Variants in GALNTL6 observed in about 807,000 individuals in gnomAD.
GALNTL6 encodes the protein polypeptide N-acetylgalactosaminyltransferase-like 6.
In GALNTL6, 46 loss-of-function variants were observed where a neutral mutation model predicts 73.7. That is an observed-to-expected ratio of 0.62 (90% CI 0.49 to 0.80). The LOEUF is 0.80. Among genes scored for constraint, GALNTL6 ranks in the 30% least tolerant of loss-of-function variants. The pLI, the probability that GALNTL6 is intolerant of heterozygous loss-of-function variation, is 0.00. For missense variants in GALNTL6, 604 were observed against 755.0 expected (o/e 0.80, Z 2.34); for synonymous variants, 259 against 263.7 (o/e 0.98, Z 0.17).
chr4:172,040,700 A>G (rs774349270), intron 2 of GALNTL6, among the ~76,000 whole-genome samples: 2 of 152,124 alleles, frequency 1.3e-5, no homozygotes, highest in African/African-American at 2.4e-5. Context: ...TAAAATTGAT[A>G]CTTAAAGAGG....
intron 5 of GALNTL6, among the ~76,000 whole-genome samples, chr4:172,455,957 G>A (rs1732384375): frequency 6.6e-6 from 1 of 152,128 alleles, no homozygotes; most frequent in South Asian, 2.1e-4. Context: ...AGCTCCAGCT[G>A]GCATCTGACG....
At chr4:171,932,371 T>C (rs1738211285) in intron 2 of GALNTL6, among the ~76,000 whole-genome samples, 1 of 152,210 alleles carries the variant, frequency 6.6e-6, no homozygotes, top group South Asian at 2.1e-4. Flanking sequence ...AAGTGAATTG[T>C]GCTTGGTGGA....
intron 5 of GALNTL6, among the ~76,000 whole-genome samples, chr4:172,725,982 T>G (rs1453372645): frequency 6.6e-6 from 1 of 152,212 alleles, no homozygotes; most frequent in African/African-American, 2.4e-5. Flanking sequence ...TGTAGAAGTT[T>G]CAATGATTAT....
chr4:172,393,178 T>A (rs1308687173), intron 5 of GALNTL6, among the ~76,000 whole-genome samples: 1 of 152,192 alleles, frequency 6.6e-6, no homozygotes, highest in Non-Finnish European at 1.5e-5. Context: ...AGGGAGCCGC[T>A]GCTATATATG....
chr4:172,422,616 C>A (rs1038657447), intron 5 of GALNTL6, among the ~76,000 whole-genome samples: 8 of 151,882 alleles, frequency 5.3e-5, no homozygotes, highest in African/African-American at 1.9e-4. Context: ...ATCTAGATGA[C>A]AGAGACTCCA....
At position 172,813,649 on chromosome 4, in the gene GALNTL6, C is replaced by T. The variant is rs766006692; in HGVS notation, c.849C>T (p.Phe283=). The stretch of plus-strand genomic sequence containing the variant: ...CTGGGGATGCCATGCGAGGAGCCTT[C>T]GACTGGGAAATGTACTACAAAAGAA... ...AQAGDAMRGA[F]DWEMYYKRIP... The change falls in exon 7 of 13, where the codon TTC becomes TTT. Residue 283 remains phenylalanine (F), a synonymous_variant. Coordinates refer to ENST00000506823, the MANE Select transcript of GALNTL6 (RefSeq NM_001034845.3). 15 of 1,613,272 alleles carry T rather than the reference C, an allele frequency of 9.3e-6. No homozygotes were observed. The highest frequency in any genetic ancestry group is 6.7e-5 in the East Asian group (3 of 44,882).
At chr4:172,482,195 C>G (rs1014330201) in intron 5 of GALNTL6, among the ~76,000 whole-genome samples, 1 of 152,230 alleles carries the variant, frequency 6.6e-6, no homozygotes, top group African/African-American at 2.4e-5. Context: ...CACACCCACC[C>G]GGAACTCGCG....
chr4:172,893,557 G>A (rs961033330), intron 8 of GALNTL6, among the ~76,000 whole-genome samples: 1 of 152,188 alleles, frequency 6.6e-6, no homozygotes, highest in African/African-American at 2.4e-5. Flanking sequence ...TGTGCTGTAG[G>A]TACCTTCCTG....
chr4:172,786,718 A>G (rs1739670306), intron 5 of GALNTL6, among the ~76,000 whole-genome samples: 2 of 152,212 alleles, frequency 1.3e-5, no homozygotes, highest in Non-Finnish European at 2.9e-5. Flanking sequence ...CTGGAGGGGC[A>G]CATTCTTGGA....
At position 173,040,436 on chromosome 4, in the gene GALNTL6, G is replaced by C; in HGVS notation, c.*336G>C. 4.2e-6 allele frequency: 1 copy of C among 239,752 alleles called. No individual in the cohort carries two copies. The highest frequency in any genetic ancestry group is 6.7e-5 in the South Asian group (1 of 14,942). 14.9% of individuals were successfully genotyped at this position (239,752 alleles called of 1,614,324 possible). On this transcript the variant is annotated 3_prime_UTR_variant, in exon 13 of 13. Coordinates refer to ENST00000506823, the MANE Select transcript of GALNTL6 (RefSeq NM_001034845.3). ...CTGCAGTAGTGAGTAGCTATGAATG[G>C]ATCCTATTAACTGGGTGGGAGGGGG...
At chr4:172,836,313 G>C (rs776818375) in intron 7 of GALNTL6, among the ~76,000 whole-genome samples, 8 of 152,214 alleles carry the variant, frequency 5.3e-5, no homozygotes, top group Non-Finnish European at 1.2e-4. Flanking sequence ...GAAAGAGCAC[G>C]ATCTCACAAG....
intron 7 of GALNTL6, among the ~76,000 whole-genome samples, chr4:172,822,059 C>A (rs1741962067): frequency 6.6e-6 from 1 of 152,176 alleles, no homozygotes; most frequent in African/African-American, 2.4e-5. Flanking sequence ...CTTCTTTCTT[C>A]CCTCTCCCTA....
intron 5 of GALNTL6, among the ~76,000 whole-genome samples, chr4:172,700,735 C>A (rs549038969): frequency 6.6e-6 from 1 of 152,132 alleles, no homozygotes; most frequent in African/African-American, 2.4e-5. Flanking sequence ...CAATCGCTCA[C>A]CCCTGTTAAA....
Position 172,184,660 on chromosome 4 carries a change from C to G in GALNTL6, c.139-44996C>G, listed in dbSNP as rs34805702. On this transcript the variant is annotated intron_variant, in intron 2 of 12. Coordinates refer to ENST00000506823, the MANE Select transcript of GALNTL6 (RefSeq NM_001034845.3). Reference sequence around the variant, plus strand: ...TTCTAAAAACATTTCTAGTAAGTCTCTTTTCCCATGAAATTAGTCAACATT... The same window carrying G: ...TTCTAAAAACATTTCTAGTAAGTCTGTTTTCCCATGAAATTAGTCAACATT... Among the ~76,000 whole-genome samples, 590 of 152,296 alleles carry G rather than the reference C, an allele frequency of 3.9e-3. 3 individuals are homozygous for G. The highest frequency in any genetic ancestry group is 0.013 in the African/African-American group (541 of 41,542).
intron 4 of GALNTL6, among the ~76,000 whole-genome samples, chr4:172,316,983 T>C (rs1422864317): frequency 1.3e-5 from 2 of 152,020 alleles, no homozygotes; most frequent in African/African-American, 2.4e-5. Context: ...AACCCACGAA[T>C]CTCTTTCTCC....
At chr4:172,731,491 A>G (rs568195893) in intron 5 of GALNTL6, among the ~76,000 whole-genome samples, 125 of 152,062 alleles carry the variant, frequency 8.2e-4, no homozygotes, top group African/African-American at 2.9e-3. Flanking sequence ...TATCTTTTTT[A>G]AAAAACAACC....
At chr4:172,256,258 A>G (rs1030559805) in intron 3 of GALNTL6, among the ~76,000 whole-genome samples, 1 of 151,314 alleles carries the variant, frequency 6.6e-6, no homozygotes, top group African/African-American at 2.4e-5. Flanking sequence ...ACCTGCAACT[A>G]CATAGTAAAT....
chr4:172,485,908 T>C (rs1177312067), intron 5 of GALNTL6, among the ~76,000 whole-genome samples: 1 of 152,204 alleles, frequency 6.6e-6, no homozygotes, highest in African/African-American at 2.4e-5. Context: ...GTAGTATGTC[T>C]GTTTTGCACC....
intron 2 of GALNTL6, among the ~76,000 whole-genome samples, chr4:171,845,133 T>C (rs568089370): frequency 1.3e-5 from 2 of 152,342 alleles, no homozygotes; most frequent in African/African-American, 4.8e-5. Context: ...AATGAAATGG[T>C]GGTATTTTAA....
Sources: gnomAD v4.1 joint callset for allele counts (sites outside exome capture counted in the v4.1 genomes callset) on GRCh38, gnomAD v4.1.1 for gene constraint, MANE v1.5 for transcripts, NCBI Gene and HGNC (gene_info 2026-07-23, HGNC 2026-07-21) for gene names.